SUSD5: variants seen among roughly 807,000 people sequenced by gnomAD.
SUSD5 encodes the protein sushi domain containing 5.
Under a neutral mutation model 29.5 loss-of-function variants are expected in SUSD5, and 33 were observed. That is an observed-to-expected ratio of 1.12 (90% CI 0.85 to 1.49). The LOEUF (loss-of-function observed/expected upper bound fraction) is 1.49, where lower values mean the gene tolerates loss of function less well. Ranked by LOEUF, SUSD5 falls within the 40% of genes most tolerant of loss-of-function variation. SUSD5 has a pLI of 0.00. For missense variants in SUSD5, 776 were observed against 800.6 expected (o/e 0.97, Z 0.37); for synonymous variants, 308 against 325.3 (o/e 0.95, Z 0.57).
At chr3:33,175,114 CG>C in intron 3 of SUSD5, 40 bp from the exon 4 acceptor site, 1 of 1,603,052 alleles carries the variant, frequency 6.2e-7, no homozygotes, top group Non-Finnish European at 8.5e-7. Context: ...CCAAACTGTG[CG>C]GAACTTTTTC....
chr3:33,187,803 C>A (rs59190424), intron 3 of SUSD5, among the ~76,000 whole-genome samples: 3 of 127,370 alleles, frequency 2.4e-5, no homozygotes, highest in South Asian at 6.5e-4. Context: ...TCCTTCCCCC[C>A]TCCCCCCACC....
chr3:33,164,898 A>G (rs565690335), intron 4 of SUSD5, among the ~76,000 whole-genome samples: 1 of 152,024 alleles, frequency 6.6e-6, no homozygotes, highest in Non-Finnish European at 1.5e-5. Context: ...ACTCTTATAC[A>G]TTGCTCTTCA....
chr3:33,212,968 G>T (rs2032349230), intron 2 of SUSD5, among the ~76,000 whole-genome samples: 1 of 151,820 alleles, frequency 6.6e-6, no homozygotes, highest in Non-Finnish European at 1.5e-5. Flanking sequence ...AGTATCCACA[G>T]AAAAAAGGGA....
chr3:33,185,051 G>A (rs148282574), intron 3 of SUSD5, among the ~76,000 whole-genome samples: 1 of 152,306 alleles, frequency 6.6e-6, no homozygotes, highest in African/African-American at 2.4e-5. Context: ...AAGCTGTGGA[G>A]GGGAGAGGAA....
intron 3 of SUSD5, among the ~76,000 whole-genome samples, chr3:33,198,029 G>GTA (rs1419683572): frequency 1.3e-5 from 2 of 152,072 alleles, no homozygotes; most frequent in African/African-American, 2.4e-5. Context: ...TATAATACAT[G>GTA]TATATATATG....
intron 1 of SUSD5, among the ~76,000 whole-genome samples, chr3:33,215,892 G>T (rs1251280792): frequency 6.6e-6 from 1 of 152,116 alleles, no homozygotes; most frequent in African/African-American, 2.4e-5. Context: ...TACCAAAAAA[G>T]TATGGTTGAG....
chr3:33,164,969 A>AACACACACACAC lies in SUSD5; in HGVS notation c.598+9905_598+9916dup, dbSNP rs34551240. Among the ~76,000 whole-genome samples, 538 of 147,118 alleles carry AACACACACACAC rather than the reference A, an allele frequency of 3.7e-3. 3 individuals carry two copies. The highest frequency in any genetic ancestry group is 0.021 in the East Asian group (105 of 4,998). ...TGTTGGGTATTATCTACTAAAGTTGAACACACACACACACACACACACACA... is the reference window on the plus strand; with the variant it reads ...TGTTGGGTATTATCTACTAAAGTTGAACACACACACACACACACACACACACACACACACACA... On this transcript the variant is annotated intron_variant, in intron 4 of 4. Coordinates refer to ENST00000309558, the MANE Select transcript of SUSD5 (RefSeq NM_015551.2).
At chr3:33,215,498 A>G (rs2032413805) in intron 1 of SUSD5, among the ~76,000 whole-genome samples, 1 of 152,236 alleles carries the variant, frequency 6.6e-6, no homozygotes, top group African/African-American at 2.4e-5. Flanking sequence ...TTTACTATGG[A>G]CTAGATGTTG....
chr3:33,194,923 G>A (rs9827451), intron 3 of SUSD5, among the ~76,000 whole-genome samples: 7 of 152,048 alleles, frequency 4.6e-5, no homozygotes, highest in Non-Finnish European at 7.4e-5. Flanking sequence ...AGCTGGGCAC[G>A]GTGGCTCACA....
Position 33,150,124 on chromosome 3 carries a change from AACATT to A in SUSD5, c.*2613_*2617del, listed in dbSNP as rs1475325360. ...CCTCCCCCAATTTTCATGAGCATTA[AACATT>A]CACCATTCTCAAAACATGCATGACA... On this transcript the variant is annotated 3_prime_UTR_variant, in exon 5 of 5. Transcript: ENST00000309558. 1.3e-5 allele frequency: 2 copies of A among 152,140 alleles called. No homozygotes were observed. The highest frequency in any genetic ancestry group is 2.9e-5 in the Non-Finnish European group (2 of 68,022). The allele number at this position is 152,140 out of a possible 1,614,324, so 9.4% of individuals were successfully genotyped here.
intron 3 of SUSD5, among the ~76,000 whole-genome samples, chr3:33,181,522 G>A (rs2031673066): frequency 6.6e-6 from 1 of 151,924 alleles, no homozygotes; most frequent in Non-Finnish European, 1.5e-5. Context: ...AAGAGCACGT[G>A]CCACCCTGCC....
chr3:33,218,108 C>CCA (rs1406350028), intron 1 of SUSD5, among the ~76,000 whole-genome samples: 1 of 152,142 alleles, frequency 6.6e-6, no homozygotes, highest in Non-Finnish European at 1.5e-5. Context: ...TCAAGACGTC[C>CCA]CCTCGCCTCC....
chr3:33,175,079 G>C lies in SUSD5; in HGVS notation c.410-5C>G. 1.9e-6 allele frequency: 3 copies of C among 1,613,826 alleles called. No individual in the cohort carries two copies. The highest frequency in any genetic ancestry group is 2.5e-6 in the Non-Finnish European group (3 of 1,179,732). Reference sequence around the variant, plus strand: ...GCGGGTCTCCACACGGCTTCTCTGAGGAGAAGGAATCACAGTTAGCTTTTC... The same window carrying C: ...GCGGGTCTCCACACGGCTTCTCTGACGAGAAGGAATCACAGTTAGCTTTTC... On this transcript the variant is annotated splice_polypyrimidine_tract_variant and splice_region_variant and intron_variant, in intron 3 of 4. Coordinates refer to ENST00000309558, the MANE Select transcript of SUSD5 (RefSeq NM_015551.2).
intron 3 of SUSD5, among the ~76,000 whole-genome samples, chr3:33,200,677 A>G (rs1372520049): frequency 6.6e-6 from 1 of 152,212 alleles, no homozygotes; most frequent in East Asian, 1.9e-4. Flanking sequence ...TACAATACCT[A>G]AACAACTCTG....
intron 4 of SUSD5, 115 bp from the exon 5 acceptor site, chr3:33,154,148 T>C (rs1312253925): frequency 1.8e-5 from 15 of 833,408 alleles, no homozygotes; most frequent in Non-Finnish European, 2.7e-5. Context: ...AATACTGTTA[T>C]TATTCACAGA....
intron 3 of SUSD5, among the ~76,000 whole-genome samples, chr3:33,187,104 A>T (rs1438990331): frequency 1.3e-5 from 2 of 152,174 alleles, no homozygotes; most frequent in Non-Finnish European, 1.5e-5. Context: ...CCCATGACTC[A>T]TGCTGGATGC....
rs1402259982 is a variant in SUSD5 at position 33,151,641 on chromosome 3, C to T, written c.*1101G>A. On this transcript the variant is annotated 3_prime_UTR_variant, in exon 5 of 5. Transcript: ENST00000309558. ...AACCAAGGACTGAGTTTTGTTAGTC[C>T]TGGCAAAAATTCCAAGACATTCCTA... is the stretch of plus-strand genomic sequence containing the variant. The T allele has an allele frequency of 6.6e-6, 1 of 152,018 alleles. No homozygotes were observed. The highest frequency in any genetic ancestry group is 2.4e-5 in the African/African-American group (1 of 41,382). 9.4% of individuals were successfully genotyped at this position (152,018 alleles called of 1,614,324 possible).
chr3:33,207,506 C>T (rs971852639), intron 3 of SUSD5, among the ~76,000 whole-genome samples: 2 of 152,158 alleles, frequency 1.3e-5, no homozygotes, highest in Non-Finnish European at 2.9e-5. Context: ...CTCCCTCACC[C>T]CAATCAGAAA....
At chr3:33,168,701 G>T in intron 4 of SUSD5, 2 of 549,074 alleles carry the variant, frequency 3.6e-6, no homozygotes, top group Non-Finnish European at 4.6e-6. Context: ...CCAGGCTGGA[G>T]TGCAGTGGGG....
Sources: gnomAD v4.1 joint callset for allele counts (sites outside exome capture counted in the v4.1 genomes callset) on GRCh38, gnomAD v4.1.1 for gene constraint, MANE v1.5 for transcripts, NCBI Gene and HGNC (gene_info 2026-07-23, HGNC 2026-07-21) for gene names.